The following STXBP5L variants were observed in gnomAD, a reference collection of about 807,000 sequenced individuals.
The protein encoded by STXBP5L is syntaxin-binding protein 5-like.
A neutral mutation model predicts 144.5 loss-of-function variants in STXBP5L; 65 were observed. The ratio of observed to expected loss-of-function variants is 0.45; its 90% CI spans 0.37 to 0.55. The LOEUF is 0.55. Among genes scored for constraint, STXBP5L ranks in the 20% least tolerant of loss-of-function variants. The pLI, the probability that STXBP5L is intolerant of heterozygous loss-of-function variation, is 0.00. For missense variants in STXBP5L, 1,298 were observed against 1,405.5 expected (o/e 0.92, Z 1.22); for synonymous variants, 505 against 469.6 (o/e 1.08, Z -0.97).
At chr3:121,108,195 AC>A (rs2107803794) in intron 5 of STXBP5L, among the ~76,000 whole-genome samples, 1 of 152,266 alleles carries the variant, frequency 6.6e-6, no homozygotes, top group East Asian at 1.9e-4. Context: ...CTATTTCAAT[AC>A]GCTTTATTTC....
chr3:120,971,987 C>G (rs1037201878), intron 3 of STXBP5L, among the ~76,000 whole-genome samples: 1 of 151,926 alleles, frequency 6.6e-6, no homozygotes, highest in African/African-American at 2.4e-5. Flanking sequence ...CTGTGACCTA[C>G]TGTGACAAAC....
chr3:121,179,272 A>C (rs1232518223), intron 9 of STXBP5L, among the ~76,000 whole-genome samples: 1 of 152,146 alleles, frequency 6.6e-6, no homozygotes, highest in Non-Finnish European at 1.5e-5. Context: ...TACAATAACC[A>C]ACATCAGGAA....
intron 2 of STXBP5L, among the ~76,000 whole-genome samples, chr3:120,914,196 G>T (rs943791116): frequency 3.3e-5 from 5 of 151,854 alleles, no homozygotes; most frequent in Non-Finnish European, 5.9e-5. Context: ...AACACACAGG[G>T]TGTTCTAGAC....
chr3:121,405,248 A>G (rs1250497109), intron 22 of STXBP5L, among the ~76,000 whole-genome samples: 2 of 152,218 alleles, frequency 1.3e-5, no homozygotes, highest in East Asian at 3.9e-4. Context: ...GCAAACATTC[A>G]GTCTATAACA....
intron 20 of STXBP5L, among the ~76,000 whole-genome samples, chr3:121,324,872 C>T: frequency 6.6e-6 from 1 of 151,978 alleles, no homozygotes; most frequent in East Asian, 1.9e-4. Context: ...TCTCAGGTCT[C>T]TAAGAAAGTA....
intron 5 of STXBP5L, among the ~76,000 whole-genome samples, chr3:121,087,058 CTT>C (rs1487170900): frequency 6.6e-6 from 1 of 151,902 alleles, no homozygotes; most frequent in Non-Finnish European, 1.5e-5. Context: ...TTTTATATAA[CTT>C]GAGTTATTTT....
At chr3:121,087,537 C>A (rs188939944) in intron 5 of STXBP5L, among the ~76,000 whole-genome samples, 178 of 152,040 alleles carry the variant, frequency 1.2e-3, no homozygotes, top group African/African-American at 4.2e-3. Flanking sequence ...TTTGTCTATT[C>A]TTATACTTTA....
At chr3:121,302,522 GT>G (rs1280909856) in intron 19 of STXBP5L, among the ~76,000 whole-genome samples, 1 of 152,030 alleles carries the variant, frequency 6.6e-6, no homozygotes, top group African/African-American at 2.4e-5. Flanking sequence ...TTTTTGAAGG[GT>G]TTTTTATGTC....
chr3:121,255,540 G>C (rs1253587573), intron 16 of STXBP5L, among the ~76,000 whole-genome samples: 1 of 151,626 alleles, frequency 6.6e-6, no homozygotes, highest in African/African-American at 2.4e-5. Flanking sequence ...AAATGTATAG[G>C]TTTTATACAT....
intron 19 of STXBP5L, among the ~76,000 whole-genome samples, chr3:121,293,925 T>C (rs2051546126): frequency 6.6e-6 from 1 of 152,158 alleles, no homozygotes; most frequent in Non-Finnish European, 1.5e-5. Flanking sequence ...CTATATCATC[T>C]AGAAACAGAA....
At chr3:121,234,578 C>G (rs1440770659) in intron 12 of STXBP5L, among the ~76,000 whole-genome samples, 5 of 152,212 alleles carry the variant, frequency 3.3e-5, no homozygotes, top group African/African-American at 1.2e-4. Flanking sequence ...GGGGCTCTGT[C>G]TCCACATGGA....
intron 20 of STXBP5L, among the ~76,000 whole-genome samples, chr3:121,328,926 T>C (rs915960290): frequency 2.6e-5 from 4 of 151,422 alleles, no homozygotes; most frequent in Non-Finnish European, 2.9e-5. Flanking sequence ...CATTAGAAAA[T>C]GGAATATAAA....
chr3:120,988,787 A>G (rs933101003), intron 3 of STXBP5L, among the ~76,000 whole-genome samples: 4 of 152,030 alleles, frequency 2.6e-5, no homozygotes, highest in Non-Finnish European at 5.9e-5. Context: ...TGTACCCACA[A>G]GGTCATTTAT....
chr3:121,402,309 G>T (rs1482398981), intron 22 of STXBP5L, among the ~76,000 whole-genome samples: 1 of 152,146 alleles, frequency 6.6e-6, no homozygotes, highest in Admixed American at 6.6e-5. Context: ...TTCCGTGGAA[G>T]TTGAGAGACA....
intron 5 of STXBP5L, among the ~76,000 whole-genome samples, chr3:121,066,123 A>T (rs2041530984): frequency 6.6e-6 from 1 of 152,114 alleles, no homozygotes; most frequent in Non-Finnish European, 1.5e-5. Flanking sequence ...GTGCACACTC[A>T]AGGGCAAGAA....
chr3:120,912,881 C>T (rs1249653104), intron 2 of STXBP5L, among the ~76,000 whole-genome samples: 1 of 151,926 alleles, frequency 6.6e-6, no homozygotes, highest in African/African-American at 2.4e-5. Flanking sequence ...AAGTATACTG[C>T]ATTCCCTAAA....
chr3:121,011,014 T>C (rs191858143), intron 3 of STXBP5L, among the ~76,000 whole-genome samples: 1 of 150,896 alleles, frequency 6.6e-6, no homozygotes, highest in East Asian at 1.9e-4. Flanking sequence ...ATTATTTGGG[T>C]TCAGTAGGGG....
intron 19 of STXBP5L, among the ~76,000 whole-genome samples, chr3:121,292,476 T>C (rs1440244883): frequency 6.6e-6 from 1 of 152,148 alleles, no homozygotes; most frequent in Non-Finnish European, 1.5e-5. Context: ...TGGAAAACAG[T>C]ATGAAGATTC....
At chr3:121,243,828 G>A (rs554792737) in intron 14 of STXBP5L, among the ~76,000 whole-genome samples, 51 of 152,200 alleles carry the variant, frequency 3.4e-4, no homozygotes, top group African/African-American at 1.2e-3. Flanking sequence ...GCATTCCTAC[G>A]TGTGAAGTTA....
Sources: gnomAD v4.1 joint callset for allele counts (sites outside exome capture counted in the v4.1 genomes callset) on GRCh38, gnomAD v4.1.1 for gene constraint, MANE v1.5 for transcripts, NCBI Gene and HGNC (gene_info 2026-07-23, HGNC 2026-07-21) for gene names.